The following PRKN variants were observed in gnomAD, a reference collection of about 807,000 sequenced individuals.
The protein encoded by PRKN is E3 ubiquitin-protein ligase parkin.
Under a neutral mutation model 59.5 loss-of-function variants are expected in PRKN, and 56 were observed. The observed-to-expected ratio is 0.94, with a 90% CI of 0.76 to 1.18. The LOEUF is 1.18. Ranked by LOEUF, PRKN falls within the 50% of genes most tolerant of loss-of-function variation. PRKN has a pLI of 0.00. For missense variants in PRKN, 657 were observed against 596.4 expected, an observed-to-expected ratio of 1.10 and a Z score of -1.06; for synonymous variants, 250 against 222.1, an observed-to-expected ratio of 1.13 and a Z score of -1.12.
intron 7 of PRKN, among the ~76,000 whole-genome samples, chr6:161,619,184 G>A (rs1045190275): frequency 2.0e-5 from 3 of 150,080 alleles, no homozygotes; most frequent in African/African-American, 4.9e-5. Context: ...TATGGTCACC[G>A]GCACAAGAAT....
chr6:161,374,569 G>GTAGC (rs1785583045), intron 10 of PRKN, among the ~76,000 whole-genome samples: 1 of 6,000 alleles, frequency 1.7e-4, no homozygotes. Context: ...TGTGTGGTGT[G>GTAGC]TGTAATGGGT....
chr6:162,361,789 G>T (rs1785154066), intron 2 of PRKN, among the ~76,000 whole-genome samples: 1 of 152,176 alleles, frequency 6.6e-6, no homozygotes, highest in African/African-American at 2.4e-5. Context: ...AATATGCCAA[G>T]AGTCCTATCT....
chr6:161,791,707 G>A (rs1369781550), intron 6 of PRKN, among the ~76,000 whole-genome samples: 29 of 152,242 alleles, frequency 1.9e-4, no homozygotes, highest in Admixed American at 1.9e-3. Context: ...GGGCAGGAGA[G>A]GGAAACAAAT....
intron 1 of PRKN, among the ~76,000 whole-genome samples, chr6:162,462,567 T>C (rs765317443): frequency 3.3e-5 from 5 of 152,130 alleles, no homozygotes; most frequent in African/African-American, 7.2e-5. Flanking sequence ...CCAATATAAA[T>C]GTGAGGCTAC....
At chr6:161,380,424 A>ATTTT (rs1785917714) in intron 10 of PRKN, among the ~76,000 whole-genome samples, 1 of 130,026 alleles carries the variant, frequency 7.7e-6, no homozygotes, top group African/African-American at 2.8e-5. Flanking sequence ...GTCCAAGTCT[A>ATTTT]TCTTTTTTTT....
intron 3 of PRKN, among the ~76,000 whole-genome samples, chr6:162,241,904 A>G (rs1562607242): frequency 6.6e-6 from 1 of 151,992 alleles, no homozygotes; most frequent in Non-Finnish European, 1.5e-5. Context: ...TCTAGAAGGA[A>G]TTTAAAAGAA....
chr6:162,306,830 G>A (rs541115335), intron 2 of PRKN, among the ~76,000 whole-genome samples: 1 of 152,114 alleles, frequency 6.6e-6, no homozygotes, highest in Non-Finnish European at 1.5e-5. Context: ...TGTTTCAAAG[G>A]CCCAGGCACG....
At chr6:162,556,877 A>G (rs1417194022) in intron 1 of PRKN, among the ~76,000 whole-genome samples, 1 of 152,170 alleles carries the variant, frequency 6.6e-6, no homozygotes, top group Non-Finnish European at 1.5e-5. Context: ...AAGGCAGCAC[A>G]GGGCATGAGT....
At chr6:161,663,016 A>G (rs557697634) in intron 7 of PRKN, among the ~76,000 whole-genome samples, 21 of 152,266 alleles carry the variant, frequency 1.4e-4, no homozygotes, top group Admixed American at 2.6e-4. Context: ...TGTTGTCATG[A>G]TAATGAATAA....
intron 5 of PRKN, among the ~76,000 whole-genome samples, chr6:162,032,318 T>C (rs530334825): frequency 2.6e-5 from 4 of 152,106 alleles, no homozygotes; most frequent in Admixed American, 2.6e-4. Flanking sequence ...ACAAGGCAAA[T>C]ATGATCATAA....
chr6:162,287,436 C>A (rs1162424265), intron 2 of PRKN, among the ~76,000 whole-genome samples: 1 of 151,970 alleles, frequency 6.6e-6, no homozygotes. Flanking sequence ...GGCATGGTGG[C>A]ACATGCCTGT....
intron 1 of PRKN, among the ~76,000 whole-genome samples, chr6:162,706,267 G>T (rs1053034834): frequency 6.6e-6 from 1 of 152,096 alleles, no homozygotes; most frequent in African/African-American, 2.4e-5. Context: ...AACAGATTGT[G>T]CTCGTCTTGC....
chr6:162,602,915 C>T (rs1306142970), intron 1 of PRKN, among the ~76,000 whole-genome samples: 2 of 152,112 alleles, frequency 1.3e-5, no homozygotes, highest in African/African-American at 4.8e-5. Context: ...GGCTGCAGGA[C>T]GGCAACCATA....
At chr6:162,681,893 T>C (rs988573044) in intron 1 of PRKN, among the ~76,000 whole-genome samples, 2 of 152,210 alleles carry the variant, frequency 1.3e-5, no homozygotes, top group South Asian at 2.1e-4. Context: ...AATAAATCTC[T>C]GCTTTTGTTG....
At chr6:162,608,632 C>T (rs566962532) in intron 1 of PRKN, among the ~76,000 whole-genome samples, 13 of 152,262 alleles carry the variant, frequency 8.5e-5, no homozygotes, top group African/African-American at 2.9e-4. Context: ...TGTCACCAAT[C>T]CCAATTCTTG....
At chr6:162,603,444 C>T (rs1049016035) in intron 1 of PRKN, among the ~76,000 whole-genome samples, 2 of 152,094 alleles carry the variant, frequency 1.3e-5, no homozygotes, top group African/African-American at 4.8e-5. Context: ...GAACCCAGTC[C>T]CACCCGTTCA....
At chr6:162,701,261 A>C (rs553984445) in intron 1 of PRKN, among the ~76,000 whole-genome samples, 74 of 152,306 alleles carry the variant, frequency 4.9e-4, no homozygotes, top group Non-Finnish European at 9.0e-4. Flanking sequence ...CTTCGGACTA[A>C]AAAGCAATGC....
In PRKN at chr6:161,372,260, A is replaced by T. The variant is rs939789054; in HGVS notation, c.1168-12055T>A. ...TGAGCTAGAAAATATGCTGATTTGT[A>T]TTTTTGATAATGACATTCTCTAGTT... On this transcript the variant is annotated intron_variant, in intron 10 of 11. Transcript: ENST00000366898. The surrounding 1 kb of genome is among the most constrained non-coding windows in gnomAD (Gnocchi z 4.2). Among the ~76,000 whole-genome samples the T allele has an allele frequency of 6.6e-6, 1 of 152,188 alleles. No individual in the cohort carries two copies. The highest frequency in any genetic ancestry group is 2.4e-5 in the African/African-American group (1 of 41,450).
intron 1 of PRKN, among the ~76,000 whole-genome samples, chr6:162,704,185 C>A (rs191626644): frequency 6.6e-6 from 1 of 152,274 alleles, no homozygotes; most frequent in Non-Finnish European, 1.5e-5. Context: ...ATGCCCTCCA[C>A]CTGGGCAGCA....
Sources: gnomAD v4.1 joint callset for allele counts (sites outside exome capture counted in the v4.1 genomes callset) on GRCh38, gnomAD v4.1.1 for gene constraint, Gnocchi (gnomAD v3.1) non-coding constraint, MANE v1.5 for transcripts, NCBI Gene and HGNC (gene_info 2026-07-23, HGNC 2026-07-21) for gene names.